Variants in MACF1 observed in about 807,000 individuals in gnomAD.
MACF1 encodes microtubule-actin cross-linking factor 1.
Under a neutral mutation model 854.8 loss-of-function variants are expected in MACF1, and 193 were observed. The ratio of observed to expected loss-of-function variants is 0.23; its 90% CI spans 0.20 to 0.25. The LOEUF is 0.25. Among genes scored for constraint, MACF1 ranks in the 10% least tolerant of loss-of-function variants. The probability of loss-of-function intolerance (pLI) is 1.00; values close to 1 mark genes in which losing one functional copy is unlikely to be tolerated. For synonymous variants in MACF1, 3,185 were observed against 3,226.7 expected (o/e 0.99, Z 0.44); for missense variants, 7,722 against 8,929.1 (o/e 0.86, Z 5.45).
At chr1:39,231,572 G>T (rs1344555363) in intron 2 of MACF1, among the ~76,000 whole-genome samples, 3 of 152,122 alleles carry the variant, frequency 2.0e-5, no homozygotes, top group Non-Finnish European at 2.9e-5. Flanking sequence ...CTGCTTCTTG[G>T]TGAAGACATT....
upstream of MACF1, among the ~76,000 whole-genome samples, chr1:39,201,690 G>C (rs866868085): frequency 6.6e-6 from 1 of 151,934 alleles, no homozygotes; most frequent in Non-Finnish European, 1.5e-5. Flanking sequence ...TCGTGTTACT[G>C]TCTCACACAA....
chr1:39,121,476 G>A (rs543069273), intron 2 of MACF1, among the ~76,000 whole-genome samples: 1 of 152,230 alleles, frequency 6.6e-6, no homozygotes, highest in East Asian at 1.9e-4. Flanking sequence ...TTGAGACAGA[G>A]TCTTGCTTTG....
In MACF1 at chr1:39,162,230, G is replaced by T. The variant is rs548153024; in HGVS notation, c.221-68952G>T. Reference sequence around the variant, plus strand: ...TTGGCCAGGCTGGTCTCAAACTCCTGACCTCAAGTGATCTGCCCGCCTTGG... The same window carrying T: ...TTGGCCAGGCTGGTCTCAAACTCCTTACCTCAAGTGATCTGCCCGCCTTGG... On this transcript the variant is annotated intron_variant, in intron 2 of 93. Coordinates refer to the MACF1 transcript ENST00000361689. Among the ~76,000 whole-genome samples, 221 of 152,238 alleles carry T rather than the reference G, an allele frequency of 1.5e-3. 1 individual carries two copies. Among genetic ancestry groups the T allele is most frequent in the Admixed American group, 6.0e-3 (92 of 15,298 alleles).
intron 58 of MACF1, chr1:39,410,161 G>T: frequency 1.2e-6 from 1 of 805,172 alleles, no homozygotes; most frequent in Non-Finnish European, 1.9e-6. Context: ...TGGTGGTTTG[G>T]GGTATGAACA....
Position 39,379,196 on chromosome 1 carries a change from A to T in MACF1, c.13277-7A>T. 1 of 1,578,248 alleles carries T rather than the reference A, an allele frequency of 6.3e-7. No homozygotes were observed. Among genetic ancestry groups the T allele is most frequent in the Non-Finnish European group, 8.6e-7 (1 of 1,163,146 alleles). ...CTCCAATCTGATTTCTGTTTCTATG[A>T]TACTAGATCTGACGGAGATCCAGTG... is the stretch of plus-strand genomic sequence containing the variant. On this transcript the variant is annotated splice_polypyrimidine_tract_variant and splice_region_variant and intron_variant, in intron 53 of 100. Transcript: ENST00000564288.
At chr1:39,225,035 A>C (rs1390726131) in intron 1 of MACF1, among the ~76,000 whole-genome samples, 4 of 152,026 alleles carry the variant, frequency 2.6e-5, no homozygotes, top group Admixed American at 2.6e-4. Context: ...AAGTTTAAAA[A>C]TAGCCACACA....
intron 2 of MACF1, 97 bp downstream of exon 2, chr1:39,231,340 G>T (rs942188567): frequency 7.1e-6 from 8 of 1,130,118 alleles, no homozygotes; most frequent in Non-Finnish European, 1.1e-5. Flanking sequence ...TGCTTGCTGT[G>T]TGCTCAAGTC....
At chr1:39,191,582 G>A (rs1245718441) in intron 2 of MACF1, among the ~76,000 whole-genome samples, 1 of 152,218 alleles carries the variant, frequency 6.6e-6, no homozygotes, top group Non-Finnish European at 1.5e-5. Flanking sequence ...TTAAGAGGCT[G>A]CCTCCTTCTT....
intron 40 of MACF1, among the ~76,000 whole-genome samples, chr1:39,344,964 G>T (rs994962939): frequency 5.3e-5 from 8 of 152,060 alleles, no homozygotes; most frequent in African/African-American, 1.9e-4. Context: ...ATTCTTGGAG[G>T]TGACCATCAG....
chr1:39,228,102 G>A (rs1448428038), intron 1 of MACF1, among the ~76,000 whole-genome samples: 1 of 152,164 alleles, frequency 6.6e-6, no homozygotes, highest in Non-Finnish European at 1.5e-5. Context: ...CCTGAGGTCA[G>A]GAGTTTGAGA....
intron 58 of MACF1, among the ~76,000 whole-genome samples, chr1:39,418,487 C>A (rs996501517): frequency 1.3e-5 from 2 of 152,138 alleles, no homozygotes; most frequent in South Asian, 2.1e-4. Context: ...ACTCCCACCC[C>A]CAAAGATCAT....
At position 39,307,885 on chromosome 1, in the gene MACF1, T is replaced by TTTTC. The variant is rs1246111701; in HGVS notation, c.2790-1669_2790-1666dup. On this transcript the variant is annotated intron_variant, in intron 23 of 100. Transcript: ENST00000564288. ...CCTTGCCCAGTCTGGATTATTTCTC[T>TTTTC]TTTCTTTCTTTCTTTCTTTTTTTTT... 5.9e-4 allele frequency among the ~76,000 whole-genome samples: 83 copies of TTTTC among 141,072 alleles called. 1 individual carries two copies. Among genetic ancestry groups the TTTTC allele is most frequent in the Middle Eastern group, 8.0e-3 (2 of 250 alleles). 92.5% of individuals were successfully genotyped at this position (141,072 alleles called of 152,430 possible).
At chr1:39,195,796 T>G (rs1044279638) in intron 2 of MACF1, among the ~76,000 whole-genome samples, 1 of 152,226 alleles carries the variant, frequency 6.6e-6, no homozygotes, top group Non-Finnish European at 1.5e-5. Flanking sequence ...AATAAACATT[T>G]ATTAAGCATT....
intron 58 of MACF1, chr1:39,410,128 C>A: frequency 1.7e-6 from 1 of 595,988 alleles, no homozygotes. Context: ...AACTTCCAGG[C>A]CTTTCTGGAG....
intron 72 of MACF1, among the ~76,000 whole-genome samples, chr1:39,440,222 G>C (rs1644083192): frequency 6.9e-6 from 1 of 145,732 alleles, no homozygotes; most frequent in Admixed American, 6.9e-5. Context: ...AAGCAATCCA[G>C]CCACCTCAGC....
chr1:39,139,338 C>T (rs983586400), intron 2 of MACF1, among the ~76,000 whole-genome samples: 1 of 150,752 alleles, frequency 6.6e-6, no homozygotes, highest in African/African-American at 2.4e-5. Flanking sequence ...GTCGCTGCAA[C>T]CTCTGCCTTC....
intron 97 of MACF1, among the ~76,000 whole-genome samples, chr1:39,477,048 T>C (rs1644901006): frequency 4.2e-4 from 2 of 4,798 alleles, no homozygotes; most frequent in Non-Finnish European, 8.0e-4. Context: ...ACTTAGTGTA[T>C]ATATATATAT....
chr1:39,283,159 C>T lies in MACF1; in HGVS notation c.696-30C>T, dbSNP rs112766795. On this transcript the variant is annotated intron_variant, in intron 7 of 100. Coordinates refer to ENST00000564288, the MANE Select transcript of MACF1 (RefSeq NM_001394062.1). The surrounding 1 kb of genome is among the most constrained non-coding windows in gnomAD (Gnocchi z 4.5). ...CTCATGTGTGATGTGTAGATGGTGG[C>T]GTTTCATGTGCCTTGCTGGACTTTT... 148 of 1,330,848 alleles carry T rather than the reference C, an allele frequency of 1.1e-4. No homozygotes were observed. In the African/African-American group the frequency reaches 1.5e-3, roughly 13 times the overall value. 82.4% of individuals were successfully genotyped at this position (1,330,848 alleles called of 1,614,324 possible). A position where few individuals can be genotyped will look rare whatever the true frequency, so the allele number is the denominator to read the frequency against.
intron 58 of MACF1, among the ~76,000 whole-genome samples, chr1:39,405,051 G>T (rs547554197): frequency 2.6e-5 from 4 of 152,178 alleles, no homozygotes; most frequent in Admixed American, 1.3e-4. Context: ...CTACAGGCAG[G>T]AAAGGGCTTA....
Sources: allele counts gnomAD v4.1 joint callset (sites outside exome capture counted in the v4.1 genomes callset), GRCh38; gene constraint gnomAD v4.1.1; non-coding constraint Gnocchi (gnomAD v3.1); transcripts MANE v1.5; gene names NCBI Gene and HGNC (gene_info 2026-07-23, HGNC 2026-07-21).